TRIM33: variants seen among roughly 807,000 people sequenced by gnomAD.
The protein encoded by TRIM33 is E3 ubiquitin-protein ligase TRIM33.
In TRIM33, 20 loss-of-function variants were observed where a neutral mutation model predicts 125.4. The ratio of observed to expected loss-of-function variants is 0.16; its 90% CI spans 0.11 to 0.23. TRIM33 has a LOEUF of 0.23. Ranked by LOEUF, TRIM33 falls within the 10% of genes least tolerant of loss-of-function variation. TRIM33 has a pLI of 1.00. For missense variants in TRIM33, 920 were observed against 1,411.4 expected (o/e 0.65, Z 5.58); for synonymous variants, 564 against 513.9 (o/e 1.10, Z -1.32).
rs151259481 is a variant in TRIM33, at chr1:114,475,991, C to G, written c.527-11603G>C. 2.8e-4 allele frequency among the ~76,000 whole-genome samples: 42 copies of G among 151,950 alleles called. No individual in the cohort carries two copies. In the East Asian group the frequency reaches 8.1e-3, roughly 29 times the overall value. ...CTCCAGCCAGGGTGACAGAGAAAGG[C>G]TCTGTCTCAAAATAATAATACGGAA... is the stretch of plus-strand genomic sequence containing the variant. On this transcript the variant is annotated intron_variant, in intron 1 of 19. Transcript: ENST00000358465.
At chr1:114,426,473 G>A (rs182551683) in intron 8 of TRIM33, among the ~76,000 whole-genome samples, 2 of 149,510 alleles carry the variant, frequency 1.3e-5, no homozygotes, top group African/African-American at 4.9e-5. Flanking sequence ...AGCTAAATTT[G>A]AATATAATTT....
intron 4 of TRIM33, chr1:114,459,807 T>G (rs1380077718): frequency 6.6e-6 from 1 of 152,222 alleles, no homozygotes; most frequent in Non-Finnish European, 1.5e-5. Flanking sequence ...AGGAGGACAT[T>G]GTTCTGGACT....
intron 5 of TRIM33, among the ~76,000 whole-genome samples, chr1:114,433,247 G>GT (rs1455727900): frequency 6.6e-6 from 1 of 152,122 alleles, no homozygotes; most frequent in Non-Finnish European, 1.5e-5. Flanking sequence ...TTCAATGCTT[G>GT]TTTTACAAAT....
At chr1:114,410,425 A>G in intron 11 of TRIM33, 109 bp from the exon 12 acceptor site, 1 of 1,132,134 alleles carries the variant, frequency 8.8e-7, no homozygotes, top group Non-Finnish European at 1.2e-6. Context: ...AGATTATCCA[A>G]TATCAAGCTG....
intron 1 of TRIM33, among the ~76,000 whole-genome samples, chr1:114,489,377 G>C (rs1651908811): frequency 6.6e-6 from 1 of 152,134 alleles, no homozygotes; most frequent in Non-Finnish European, 1.5e-5. Context: ...CATGACCTTG[G>C]ATTACGAAAT....
chr1:114,439,456 G>C (rs1311878065), intron 4 of TRIM33, among the ~76,000 whole-genome samples: 2 of 108,854 alleles, frequency 1.8e-5, no homozygotes, highest in Non-Finnish European at 3.4e-5. Context: ...GCGACAGAGA[G>C]AGACTCTGTA....
intron 1 of TRIM33, among the ~76,000 whole-genome samples, chr1:114,471,975 A>G (rs925044622): frequency 6.6e-6 from 1 of 152,220 alleles, no homozygotes. Flanking sequence ...AAAGCTATAT[A>G]TATCTTTAGT....
chr1:114,507,094 G>A (rs1365670065), intron 1 of TRIM33, among the ~76,000 whole-genome samples: 4 of 152,230 alleles, frequency 2.6e-5, no homozygotes, highest in Non-Finnish European at 4.4e-5. Context: ...TTTTAGCTGT[G>A]CTACAAAGAA....
rs184459962 is a variant in TRIM33, at chr1:114,397,279, T to C, written c.*369A>G. Reference sequence around the variant, plus strand: ...TAGTCCAAAAAGAAAATTTATCAAGTGACACGAGTCTCAAGTATTTACTCG... The same window carrying C: ...TAGTCCAAAAAGAAAATTTATCAAGCGACACGAGTCTCAAGTATTTACTCG... On this transcript the variant is annotated 3_prime_UTR_variant, in exon 20 of 20. Coordinates refer to ENST00000358465, the MANE Select transcript of TRIM33 (RefSeq NM_015906.4). 100 of 274,756 alleles carry C rather than the reference T, an allele frequency of 3.6e-4. No individual in the cohort carries two copies. The highest frequency in any genetic ancestry group is 1.8e-3 in the African/African-American group (84 of 45,994). 17.0% of individuals were successfully genotyped at this position (274,756 alleles called of 1,614,324 possible).
intron 18 of TRIM33, among the ~76,000 whole-genome samples, chr1:114,398,704 C>T (rs3789615): frequency 0.55 from 83,853 of 151,490 alleles, 24,975 homozygotes; most frequent in African/African-American, 0.78. Context: ...CCAAATTACA[C>T]CAGCAATAAA....
At chr1:114,420,982 T>C (rs1389483085) in intron 11 of TRIM33, among the ~76,000 whole-genome samples, 1 of 152,156 alleles carries the variant, frequency 6.6e-6, no homozygotes, top group Admixed American at 6.5e-5. Flanking sequence ...TAAATGTCCA[T>C]CAATGGATGA....
chr1:114,407,109 A>G lies in TRIM33; in HGVS notation c.2259-9T>C, dbSNP rs747870150. Reference sequence around the variant, plus strand: ...TTCCTGATGACCCACAGCTAATAAGAAACAACAAATAAAGATCACATACGT... The same window carrying G: ...TTCCTGATGACCCACAGCTAATAAGGAACAACAAATAAAGATCACATACGT... On this transcript the variant is annotated splice_polypyrimidine_tract_variant and intron_variant, in intron 13 of 19. Coordinates refer to ENST00000358465, the MANE Select transcript of TRIM33 (RefSeq NM_015906.4). The G allele has an allele frequency of 6.2e-7, 1 of 1,606,808 alleles. No individual in the cohort carries two copies. Among genetic ancestry groups the G allele is most frequent in the Non-Finnish European group, 8.5e-7 (1 of 1,177,442 alleles).
Position 114,399,492 on chromosome 1 carries a change from G to A in TRIM33, c.3085C>T (p.Arg1029Cys). Residue 1029 changes from arginine (R) to cysteine (C), a missense_variant, in exon 18 of 20, where the codon CGT becomes TGT. Arg to Cys is a radical substitution (Grantham distance 180). This residue lies in a region of TRIM33 where 122 missense variants were observed against 236.8 expected (regional missense o/e 0.52). Coordinates refer to ENST00000358465, the MANE Select transcript of TRIM33 (RefSeq NM_015906.4). ...CTTTCACAGTTCTTGAAGATCAAAC[G>A]GACATCGGCCACAAAGTCATCCGGG... ...QIPDDFVADV[R>C]LIFKNCERFN... 2.5e-6 allele frequency: 4 copies of A among 1,613,506 alleles called. No homozygotes were observed. The highest frequency in any genetic ancestry group is 3.4e-6 in the Non-Finnish European group (4 of 1,179,716).
intron 11 of TRIM33, among the ~76,000 whole-genome samples, chr1:114,420,825 A>T (rs896880708): frequency 1.3e-5 from 2 of 152,176 alleles, no homozygotes; most frequent in African/African-American, 4.8e-5. Context: ...TATATAATAC[A>T]CTATCAATCA....
chr1:114,492,311 AC>A (rs1296801395), intron 1 of TRIM33, among the ~76,000 whole-genome samples: 1 of 152,188 alleles, frequency 6.6e-6, no homozygotes, highest in Non-Finnish European at 1.5e-5. Flanking sequence ...AGAAGGAAAA[AC>A]ATTTTTAACA....
intron 11 of TRIM33, among the ~76,000 whole-genome samples, chr1:114,415,788 TA>T (rs1652898334): frequency 6.6e-6 from 1 of 151,720 alleles, no homozygotes; most frequent in South Asian, 2.1e-4. Context: ...CTGTCTCTAC[TA>T]AAAATCCAAA....
chr1:114,446,623 A>C (rs984527058), intron 4 of TRIM33, among the ~76,000 whole-genome samples: 3 of 152,202 alleles, frequency 2.0e-5, no homozygotes, highest in Non-Finnish European at 1.5e-5. Context: ...ACTATTTATA[A>C]ACTTAAAATA....
chr1:114,437,782 A>C (rs774376703), intron 4 of TRIM33, among the ~76,000 whole-genome samples: 4 of 152,236 alleles, frequency 2.6e-5, no homozygotes, highest in Non-Finnish European at 4.4e-5. Flanking sequence ...GGCTAGAATT[A>C]TATAAACCTG....
intron 1 of TRIM33, among the ~76,000 whole-genome samples, chr1:114,500,341 A>G (rs892632607): frequency 1.3e-5 from 2 of 152,084 alleles, no homozygotes; most frequent in Admixed American, 6.6e-5. Flanking sequence ...TTCTTTTTTA[A>G]AGAGATGGCG....
Sources: gnomAD v4.1 joint callset for allele counts (sites outside exome capture counted in the v4.1 genomes callset) on GRCh38, gnomAD v4.1.1 for gene constraint, gnomAD v4.1.1 regional missense constraint, MANE v1.5 for transcripts, NCBI Gene and HGNC (gene_info 2026-07-23, HGNC 2026-07-21) for gene names.